The following SNX13 variants were observed in gnomAD, a reference collection of about 807,000 sequenced individuals.
The protein encoded by SNX13 is sorting nexin 13.
Under a neutral mutation model 133.6 loss-of-function variants are expected in SNX13, and 45 were observed. The observed-to-expected ratio is 0.34, with a 90% CI of 0.27 to 0.43. The LOEUF is 0.43. SNX13 is among the 20% of genes least tolerant of loss of function. The pLI, the probability that SNX13 is intolerant of heterozygous loss-of-function variation, is 1.00. For missense variants in SNX13, 1,032 were observed against 1,145.1 expected, an observed-to-expected ratio of 0.90 and a Z score of 1.43; for synonymous variants, 414 against 373.9, an observed-to-expected ratio of 1.11 and a Z score of -1.24.
intron 9 of SNX13, among the ~76,000 whole-genome samples, chr7:17,861,773 C>G (rs544020507): frequency 6.6e-6 from 1 of 152,280 alleles, no homozygotes; most frequent in South Asian, 2.1e-4. Flanking sequence ...ATGCAAGATG[C>G]CAGAAGTGGA....
chr7:17,795,119 A>G lies in SNX13; in HGVS notation c.2627-827T>C, dbSNP rs567749377. On this transcript the variant is annotated intron_variant, in intron 25 of 25. Transcript: ENST00000428135. ...GTACAAGTTGGGTTGAATTTTATTT[A>G]AATTCAAAGTGAAGAAAGCAAAGAA... 7 of 151,842 alleles carry G rather than the reference A, an allele frequency of 4.6e-5. 1 individual carries two copies. The East Asian group carries it at 1.4e-3, about 29-fold the overall frequency. 9.4% of individuals were successfully genotyped at this position (151,842 alleles called of 1,614,324 possible). A position where few individuals can be genotyped will look rare whatever the true frequency, so the allele number is the denominator to read the frequency against.
chr7:17,868,249 T>C lies in SNX13; in HGVS notation c.837+158A>G, dbSNP rs1054228483. On this transcript the variant is annotated intron_variant, in intron 9 of 25. Coordinates refer to ENST00000428135, the MANE Select transcript of SNX13 (RefSeq NM_015132.5). ...GAATTTGGCCAACACATTCAAAATA[T>C]AAGCAAATAAAAATATTGGAAACAC... 3.4e-5 allele frequency: 21 copies of C among 614,454 alleles called. No homozygotes were observed. In the African/African-American group the frequency reaches 4.0e-4, roughly 12 times the overall value. The allele number at this position is 614,454 out of a possible 1,614,324, so 38.1% of individuals were successfully genotyped here.
chr7:17,887,282 T>C (rs536606266), intron 5 of SNX13, among the ~76,000 whole-genome samples: 7 of 152,302 alleles, frequency 4.6e-5, no homozygotes, highest in South Asian at 4.1e-4. Flanking sequence ...ACAGTAGAGA[T>C]AGAATTATAG....
At chr7:17,837,114 G>GAT (rs1187983594) in intron 13 of SNX13, among the ~76,000 whole-genome samples, 1 of 151,742 alleles carries the variant, frequency 6.6e-6, no homozygotes, top group Non-Finnish European at 1.5e-5. Flanking sequence ...CAATGTGAAG[G>GAT]ATCAAGTTAA....
chr7:17,860,335 T>C (rs1236870384), intron 9 of SNX13, among the ~76,000 whole-genome samples: 3 of 152,310 alleles, frequency 2.0e-5, no homozygotes, highest in East Asian at 1.9e-4. Flanking sequence ...TACTTTTCTT[T>C]TTCCTGTTGT....
intron 19 of SNX13, 147 bp from the exon 20 acceptor site, chr7:17,815,091 T>G (rs1786511150): frequency 1.2e-6 from 1 of 835,344 alleles, no homozygotes; most frequent in Admixed American, 4.2e-5. Flanking sequence ...ATTATACAGT[T>G]AGGATAAAGT....
chr7:17,830,748 A>G, intron 15 of SNX13: 1 of 978,232 alleles, frequency 1.0e-6, no homozygotes, highest in Non-Finnish European at 1.2e-6. Flanking sequence ...TAAGTTACCA[A>G]TTAAGGTGTT....
chr7:17,863,522 A>G (rs1048705001), intron 9 of SNX13, among the ~76,000 whole-genome samples: 4 of 152,212 alleles, frequency 2.6e-5, no homozygotes, highest in Admixed American at 6.5e-5. Context: ...GCTGAAACCC[A>G]AGAATATACA....
chr7:17,811,460 A>T (rs775810323), intron 20 of SNX13, among the ~76,000 whole-genome samples: 4 of 152,224 alleles, frequency 2.6e-5, no homozygotes, highest in Non-Finnish European at 5.9e-5. Context: ...GGACATCTTT[A>T]AGGAGAACTA....
At chr7:17,836,317 G>C (rs911903018) in intron 13 of SNX13, among the ~76,000 whole-genome samples, 5 of 152,104 alleles carry the variant, frequency 3.3e-5, no homozygotes, top group Middle Eastern at 3.4e-3. Flanking sequence ...ATAAGTTCGA[G>C]AACAGCCTGG....
intron 20 of SNX13, among the ~76,000 whole-genome samples, chr7:17,805,472 T>C (rs1318130377): frequency 6.6e-6 from 1 of 152,148 alleles, no homozygotes; most frequent in East Asian, 1.9e-4. Flanking sequence ...ACATTTAAAA[T>C]GTGCAGCTTG....
In SNX13 at chr7:17,865,181, A is replaced by C. The variant is rs184168407; in HGVS notation, c.837+3226T>G. Among the ~76,000 whole-genome samples the C allele has an allele frequency of 2.8e-3, 428 of 152,348 alleles. 12 individuals are homozygous for C. The highest frequency in any genetic ancestry group is 0.025 in the Admixed American group (387 of 15,300). ...TGAAAGTATAAAACTCATTGATACT[A>C]AGTACACAGACAACTACAGAATAAT... is the stretch of plus-strand genomic sequence containing the variant. On this transcript the variant is annotated intron_variant, in intron 9 of 25. Coordinates refer to ENST00000428135, the MANE Select transcript of SNX13 (RefSeq NM_015132.5).
At chr7:17,850,754 TA>T in intron 10 of SNX13, 71 bp downstream of exon 10, 1 of 1,213,366 alleles carries the variant, frequency 8.2e-7, no homozygotes, top group Non-Finnish European at 1.1e-6. Flanking sequence ...GACATTTAGG[TA>T]AATTAATCAA....
intron 19 of SNX13, among the ~76,000 whole-genome samples, chr7:17,815,843 A>T (rs2723515): frequency 1.3e-5 from 2 of 151,946 alleles, no homozygotes; most frequent in Admixed American, 1.3e-4. Flanking sequence ...TTTTTCTTCA[A>T]AATCTTGTAA....
chr7:17,940,237 C>A, intron 1 of SNX13, 47 bp downstream of exon 1: 1 of 1,552,514 alleles, frequency 6.4e-7, no homozygotes, highest in Non-Finnish European at 8.7e-7. Flanking sequence ...CTGGCGCCGG[C>A]CCCTTCCCCA....
At chr7:17,810,204 C>T (rs976813595) in intron 20 of SNX13, among the ~76,000 whole-genome samples, 2 of 151,902 alleles carry the variant, frequency 1.3e-5, no homozygotes, top group East Asian at 3.9e-4. Flanking sequence ...AAAAGATCAA[C>T]AAGATAGATA....
chr7:17,795,313 T>C (rs1434605905), intron 25 of SNX13: 4 of 151,654 alleles, frequency 2.6e-5, no homozygotes, highest in Non-Finnish European at 4.4e-5. Context: ...TTTTGCTGCT[T>C]TGGAAAGAAA....
intron 2 of SNX13, 76 bp downstream of exon 2, chr7:17,897,258 C>T: frequency 2.7e-6 from 2 of 751,440 alleles, no homozygotes; most frequent in South Asian, 4.6e-5. Flanking sequence ...AATCATACTC[C>T]CGTTTCTCAG....
chr7:17,846,152 A>G (rs964954455), intron 11 of SNX13, among the ~76,000 whole-genome samples: 3 of 152,108 alleles, frequency 2.0e-5, no homozygotes, highest in Non-Finnish European at 4.4e-5. Flanking sequence ...ATCTCTAATT[A>G]TTAGATAAAA....
Sources: allele counts gnomAD v4.1 joint callset (sites outside exome capture counted in the v4.1 genomes callset), GRCh38; gene constraint gnomAD v4.1.1; transcripts MANE v1.5; gene names NCBI Gene and HGNC (gene_info 2026-07-23, HGNC 2026-07-21).